The following PDE12 variants were observed in gnomAD, a reference collection of about 807,000 sequenced individuals.
PDE12 encodes 2',5'-phosphodiesterase 12.
A neutral mutation model predicts 45.4 loss-of-function variants in PDE12; 26 were observed. The ratio of observed to expected loss-of-function variants is 0.57; its 90% CI spans 0.42 to 0.79. The LOEUF is 0.79. Ranked by LOEUF, PDE12 falls within the 30% of genes least tolerant of loss-of-function variation. The pLI is 0.00. For synonymous variants in PDE12, 283 were observed against 323.9 expected (o/e 0.87, Z 1.36); for missense variants, 668 against 790.0 (o/e 0.85, Z 1.85).
chr3:57,634,922 G>A, the PDE12 span, among the ~76,000 whole-genome samples: 2 of 151,958 alleles, frequency 1.3e-5, no homozygotes, highest in Non-Finnish European at 2.9e-5. Context: ...TTCATTCTTG[G>A]TATTTTAAAA....
the PDE12 span, among the ~76,000 whole-genome samples, chr3:57,647,614 G>A: frequency 6.6e-6 from 1 of 152,162 alleles, no homozygotes; most frequent in African/African-American, 2.4e-5. Context: ...AGAATGAGTT[G>A]AGGAGGTTGT....
the PDE12 span, among the ~76,000 whole-genome samples, chr3:57,624,766 GA>G: frequency 2.8e-5 from 4 of 141,136 alleles, no homozygotes; most frequent in Non-Finnish European, 6.2e-5. Flanking sequence ...TCCGTCTCAA[GA>G]AAAAAAAAAG....
the PDE12 span, among the ~76,000 whole-genome samples, chr3:57,590,151 A>G: frequency 8.8e-6 from 1 of 113,434 alleles, no homozygotes; most frequent in South Asian, 3.3e-4. Context: ...AAACAAAAAA[A>G]GAACATCTAT....
the PDE12 span, among the ~76,000 whole-genome samples, chr3:57,636,351 T>TA: frequency 2.0e-5 from 3 of 152,214 alleles, no homozygotes; most frequent in Non-Finnish European, 4.4e-5. Flanking sequence ...AGATACTTGT[T>TA]AAAAAAGCAG....
At chr3:57,595,965 G>A in the PDE12 span, among the ~76,000 whole-genome samples, 3 of 150,910 alleles carry the variant, frequency 2.0e-5, no homozygotes, top group East Asian at 3.9e-4. Flanking sequence ...AAAAAAAAAA[G>A]GAAGAGAAAA....
the PDE12 span, among the ~76,000 whole-genome samples, chr3:57,589,573 C>A: frequency 1.3e-5 from 2 of 150,890 alleles, no homozygotes; most frequent in African/African-American, 4.9e-5. Flanking sequence ...CAAAAATTAG[C>A]TAGGCGTGGT....
At chr3:57,597,290 G>A in the PDE12 span, 1 of 703,900 alleles carries the variant, frequency 1.4e-6, no homozygotes, top group Non-Finnish European at 2.4e-6. Flanking sequence ...AGTGGCCCCT[G>A]TGCCGATGAA....
rs180870423 is a variant in PDE12 at position 57,556,334 on chromosome 3, C to G, written c.-46C>G. Reference sequence around the variant, plus strand: ...CTCCTCAGCTCCACCTGACAGTAGGCCGCTGATCGGCCGCGGGTCTTGTCG... The same window carrying G: ...CTCCTCAGCTCCACCTGACAGTAGGGCGCTGATCGGCCGCGGGTCTTGTCG... On this transcript the variant is annotated 5_prime_UTR_variant, in exon 1 of 3. Coordinates refer to ENST00000311180, the MANE Select transcript of PDE12 (RefSeq NM_177966.7). This position sits in a 1 kb window ranked among gnomAD's most constrained non-coding sequence, Gnocchi z 5.0. The G allele has an allele frequency of 2.6e-4, 389 of 1,505,032 alleles. 3 individuals are homozygous for G. The East Asian group carries it at 9.5e-3, about 37-fold the overall frequency. The allele number at this position is 1,505,032 out of a possible 1,614,324, so 93.2% of individuals were successfully genotyped here.
chr3:57,636,581 G>C, the PDE12 span, among the ~76,000 whole-genome samples: 1 of 152,160 alleles, frequency 6.6e-6, no homozygotes, highest in Non-Finnish European at 1.5e-5. Context: ...CCTGGCCAAA[G>C]AAGAGTAAGA....
At chr3:57,578,062 A>C in the PDE12 span, among the ~76,000 whole-genome samples, 34 of 152,160 alleles carry the variant, frequency 2.2e-4, no homozygotes, top group East Asian at 3.1e-3. Context: ...AAAAACAAAC[A>C]AAAAAACCCC....
chr3:57,584,911 G>T, the PDE12 span, among the ~76,000 whole-genome samples: 4 of 152,198 alleles, frequency 2.6e-5, no homozygotes, highest in African/African-American at 9.6e-5. Flanking sequence ...TTGTCCAGGC[G>T]GGAGTGAAGT....
At chr3:57,631,085 T>C in the PDE12 span, 3 of 930,628 alleles carry the variant, frequency 3.2e-6, no homozygotes, top group Non-Finnish European at 5.0e-6. Context: ...GCCCTTTCAA[T>C]GGACAGCAAC....
chr3:57,560,388 C>T lies in PDE12; in HGVS notation c.*384C>T, dbSNP rs1228189236. 8.7e-6 allele frequency: 7 copies of T among 801,656 alleles called. No homozygotes were observed. Among genetic ancestry groups the T allele is most frequent in the African/African-American group, 3.8e-5 (2 of 52,762 alleles). The allele number at this position is 801,656 out of a possible 1,614,324, so 49.7% of individuals were successfully genotyped here. Reference sequence around the variant, plus strand: ...TTGCCCAGGCTGGAGTGCAATGGCACAATCTCGGCTCACTGCAACCTCCGC... The same window carrying T: ...TTGCCCAGGCTGGAGTGCAATGGCATAATCTCGGCTCACTGCAACCTCCGC... On this transcript the variant is annotated 3_prime_UTR_variant, in exon 3 of 3. Coordinates refer to ENST00000311180, the MANE Select transcript of PDE12 (RefSeq NM_177966.7).
chr3:57,599,204 CATAG>C, the PDE12 span, among the ~76,000 whole-genome samples: 1 of 152,134 alleles, frequency 6.6e-6, no homozygotes, highest in Non-Finnish European at 1.5e-5. Context: ...GCTTCCAGGG[CATAG>C]ATAGATAAGA....
At chr3:57,616,386 GAGAAGGAGA>G in the PDE12 span, among the ~76,000 whole-genome samples, 7 of 113,590 alleles carry the variant, frequency 6.2e-5, no homozygotes, top group African/African-American at 9.2e-5. Context: ...GGGGGAGGAG[GAGAAGGAGA>G]AGAAGAAGAG....
intron 1 of PDE12, among the ~76,000 whole-genome samples, chr3:57,557,955 C>T (rs1057482362): frequency 2.0e-5 from 3 of 152,190 alleles, no homozygotes; most frequent in African/African-American, 4.8e-5. Context: ...GAGAGGGACA[C>T]ACGCTAAATG....
At position 57,557,407 on chromosome 3, in the gene PDE12, A is replaced by G; in HGVS notation, c.1028A>G (p.Asn343Ser). The G allele has an allele frequency of 6.2e-7, 1 of 1,613,974 alleles. No homozygotes were observed. The highest frequency in any genetic ancestry group is 8.5e-7 in the Non-Finnish European group (1 of 1,179,990). Residue 343 changes from asparagine to serine, a missense_variant, in exon 1 of 3, where the codon AAC becomes AGC. Physicochemically the swap from Asn to Ser is conservative, Grantham distance 46 (BLOSUM62 1). Around this residue, in one of 3 missense-constraint regions of PDE12, gnomAD observed 580 missense variants for 662.9 expected, o/e 0.87. Transcript: ENST00000311180. ...ATCCAGAAGGAACTCACCGGCTACA[A>G]CGCCGATGTCATCTGTTTGCAGGAG... Reference protein sequence around the residue: ...NLIQKELTGYNADVICLQEVD... With the variant: ...NLIQKELTGYSADVICLQEVD...
the PDE12 span, among the ~76,000 whole-genome samples, chr3:57,650,927 G>C: frequency 6.6e-6 from 1 of 151,944 alleles, no homozygotes; most frequent in Non-Finnish European, 1.5e-5. Context: ...TGGGATTACA[G>C]GCATGTGCCA....
At chr3:57,653,940 AC>A in the PDE12 span, among the ~76,000 whole-genome samples, 1 of 105,852 alleles carries the variant, frequency 9.4e-6, no homozygotes, top group Non-Finnish European at 1.9e-5. Context: ...TTAGAAATTC[AC>A]TTTTTTTTTT....
Sources: allele counts gnomAD v4.1 joint callset (sites outside exome capture counted in the v4.1 genomes callset), GRCh38; gene constraint gnomAD v4.1.1; regional missense constraint gnomAD v4.1.1; non-coding constraint Gnocchi (gnomAD v3.1); transcripts MANE v1.5; gene names NCBI Gene and HGNC (gene_info 2026-07-23, HGNC 2026-07-21).